CPQ: variants seen among roughly 807,000 people sequenced by gnomAD.
CPQ encodes the protein Ser-Met dipeptidase.
CPQ carries 37 observed loss-of-function variants against 45.7 expected under a neutral mutation model. That is an observed-to-expected ratio of 0.81 (90% CI 0.62 to 1.07). The LOEUF is 1.07. Ranked by LOEUF, CPQ falls within the 50% of genes least tolerant of loss-of-function variation. The probability of loss-of-function intolerance (pLI) is 0.00; values close to 1 mark genes in which losing one functional copy is unlikely to be tolerated. For synonymous variants in CPQ, 186 were observed against 205.8 expected, an observed-to-expected ratio of 0.90 and a Z score of 0.82; for missense variants, 537 against 572.9, an observed-to-expected ratio of 0.94 and a Z score of 0.64.
intron 7 of CPQ, among the ~76,000 whole-genome samples, chr8:97,118,768 T>A (rs1811641213): frequency 6.6e-6 from 1 of 152,166 alleles, no homozygotes; most frequent in African/African-American, 2.4e-5. Flanking sequence ...TATATGTGTG[T>A]ATATATGTTA....
intron 1 of CPQ, among the ~76,000 whole-genome samples, chr8:96,681,410 G>A (rs1277415657): frequency 6.6e-6 from 1 of 152,174 alleles, no homozygotes; most frequent in Admixed American, 6.5e-5. Flanking sequence ...CAGGGTGAAA[G>A]CCCCAAGCCT....
intron 1 of CPQ, among the ~76,000 whole-genome samples, chr8:96,745,612 A>C (rs926662933): frequency 3.3e-5 from 5 of 152,182 alleles, no homozygotes; most frequent in African/African-American, 1.2e-4. Context: ...AGGCTCAGAG[A>C]GATTAAAGAA....
intron 4 of CPQ, among the ~76,000 whole-genome samples, chr8:96,919,501 A>G (rs1161960692): frequency 1.3e-5 from 2 of 152,116 alleles, no homozygotes; most frequent in Non-Finnish European, 2.9e-5. Flanking sequence ...TTAATTGTAA[A>G]CTAAAACCTC....
rs1231059108 is a variant in CPQ at position 97,029,390 on chromosome 8, A to G, written c.962-13A>G. ...AACTAAAGTATCACTTTTTTATTTTATTATTTTCCCAGGGCTGCGTCCAAA... is the reference window on the plus strand; with the variant it reads ...AACTAAAGTATCACTTTTTTATTTTGTTATTTTCCCAGGGCTGCGTCCAAA... On this transcript the variant is annotated splice_polypyrimidine_tract_variant and intron_variant, in intron 5 of 7. Transcript: ENST00000220763. 1 of 1,574,502 alleles carries G rather than the reference A, an allele frequency of 6.4e-7. No homozygotes were observed.
intron 5 of CPQ, among the ~76,000 whole-genome samples, chr8:96,993,498 T>A (rs184950549): frequency 6.6e-6 from 1 of 152,156 alleles, no homozygotes; most frequent in African/African-American, 2.4e-5. Flanking sequence ...TGGATCATTT[T>A]AAAATAATTA....
At chr8:96,769,970 T>G (rs955031134) in intron 1 of CPQ, among the ~76,000 whole-genome samples, 1 of 152,138 alleles carries the variant, frequency 6.6e-6, no homozygotes, top group Non-Finnish European at 1.5e-5. Flanking sequence ...ACAGTAAGAA[T>G]TTAGGCTTTG....
At chr8:97,127,998 G>A (rs1811875551) in intron 7 of CPQ, among the ~76,000 whole-genome samples, 1 of 152,184 alleles carries the variant, frequency 6.6e-6, no homozygotes, top group Admixed American at 6.5e-5. Flanking sequence ...AATGTTCTGT[G>A]TCTTATTGCT....
At chr8:96,777,559 T>C (rs1810620288) in intron 1 of CPQ, among the ~76,000 whole-genome samples, 1 of 151,578 alleles carries the variant, frequency 6.6e-6, no homozygotes, top group Non-Finnish European at 1.5e-5. Context: ...CCATTACTTA[T>C]TACCTATACG....
intron 3 of CPQ, among the ~76,000 whole-genome samples, chr8:96,864,918 T>G (rs970719590): frequency 2.0e-5 from 3 of 151,990 alleles, no homozygotes; most frequent in Non-Finnish European, 2.9e-5. Context: ...TTCCTAGCTG[T>G]GTGATACTGG....
chr8:96,757,761 T>C (rs1300031613), intron 1 of CPQ, among the ~76,000 whole-genome samples: 2 of 152,174 alleles, frequency 1.3e-5, no homozygotes, highest in Non-Finnish European at 2.9e-5. Context: ...AAGTTTCTCT[T>C]TCTTTGAGGT....
chr8:96,851,308 C>G (rs908955647), intron 3 of CPQ, among the ~76,000 whole-genome samples: 3 of 152,194 alleles, frequency 2.0e-5, no homozygotes, highest in African/African-American at 7.2e-5. Context: ...AGAGACCAAA[C>G]AATGTATTCC....
At chr8:97,106,127 T>C (rs1420180026) in intron 7 of CPQ, among the ~76,000 whole-genome samples, 2 of 152,224 alleles carry the variant, frequency 1.3e-5, no homozygotes, top group Non-Finnish European at 2.9e-5. Context: ...ATTGGAGGGC[T>C]TGGATTCTGT....
At chr8:96,964,089 T>G (rs1344420559) in intron 4 of CPQ, among the ~76,000 whole-genome samples, 1 of 127,276 alleles carries the variant, frequency 7.9e-6, no homozygotes, top group Non-Finnish European at 1.6e-5. Context: ...ATGAGTTTTC[T>G]TTCTTTTTTT....
intron 2 of CPQ, among the ~76,000 whole-genome samples, chr8:96,820,556 A>G (rs768437800): frequency 6.6e-6 from 1 of 152,000 alleles, no homozygotes; most frequent in Non-Finnish European, 1.5e-5. Flanking sequence ...GAGTGAGACT[A>G]TATGATATTT....
At chr8:97,112,735 G>A (rs1308786522) in intron 7 of CPQ, among the ~76,000 whole-genome samples, 3 of 152,324 alleles carry the variant, frequency 2.0e-5, no homozygotes, top group South Asian at 4.1e-4. Context: ...CTGGACAGGC[G>A]GGAAGACAGA....
intron 2 of CPQ, among the ~76,000 whole-genome samples, chr8:96,822,005 T>A (rs1054897320): frequency 2.6e-5 from 4 of 152,044 alleles, no homozygotes; most frequent in Admixed American, 2.0e-4. Flanking sequence ...AACATATCTC[T>A]TGAACTTTTT....
chr8:97,016,696 A>G (rs1809586509), intron 5 of CPQ, among the ~76,000 whole-genome samples: 1 of 152,198 alleles, frequency 6.6e-6, no homozygotes, highest in Non-Finnish European at 1.5e-5. Flanking sequence ...TCCCAGAGAA[A>G]GTATTATAGA....
intron 5 of CPQ, among the ~76,000 whole-genome samples, chr8:97,006,234 G>A (rs897952559): frequency 8.5e-5 from 13 of 152,154 alleles, no homozygotes; most frequent in Admixed American, 5.2e-4. Context: ...CTGTTACACT[G>A]CCTAAGAGGA....
intron 6 of CPQ, among the ~76,000 whole-genome samples, chr8:97,039,023 A>G (rs989652957): frequency 1.3e-5 from 2 of 152,142 alleles, no homozygotes; most frequent in African/African-American, 4.8e-5. Flanking sequence ...TTGGTAGGCT[A>G]ATAATAGGAC....
Sources: gnomAD v4.1 joint callset for allele counts (sites outside exome capture counted in the v4.1 genomes callset) on GRCh38, gnomAD v4.1.1 for gene constraint, MANE v1.5 for transcripts, NCBI Gene and HGNC (gene_info 2026-07-23, HGNC 2026-07-21) for gene names.